The following CCNH variants were observed in gnomAD, a reference collection of about 807,000 sequenced individuals.
CCNH encodes the protein cyclin H.
In CCNH, 31 loss-of-function variants were observed where a neutral mutation model predicts 41.9. The ratio of observed to expected loss-of-function variants is 0.74; its 90% CI spans 0.56 to 1.00. The LOEUF is 1.00. Ranked by LOEUF, CCNH falls within the 50% of genes least tolerant of loss-of-function variation. The pLI is 0.00. For synonymous variants in CCNH, 138 were observed against 136.1 expected, an observed-to-expected ratio of 1.01 and a Z score of -0.10; for missense variants, 362 against 388.4, an observed-to-expected ratio of 0.93 and a Z score of 0.57.
downstream of CCNH, among the ~76,000 whole-genome samples, chr5:87,373,681 A>G (rs1761113266): frequency 6.6e-6 from 1 of 152,200 alleles, no homozygotes; most frequent in Admixed American, 6.5e-5. Flanking sequence ...TTAGGTTTGT[A>G]TCCTTTCCTG....
At chr5:87,398,051 G>A (rs1326485652) in intron 7 of CCNH, among the ~76,000 whole-genome samples, 4 of 152,198 alleles carry the variant, frequency 2.6e-5, no homozygotes, top group East Asian at 1.9e-4. Flanking sequence ...GACATAATCA[G>A]TGCTGCAATA....
intron 9 of CCNH, chr5:87,369,977 A>G: frequency 8.2e-7 from 1 of 1,212,604 alleles, no homozygotes; most frequent in East Asian, 2.4e-5. Flanking sequence ...ATAGAAAATG[A>G]TCGCATTCAA....
At chr5:87,330,351 GA>G (rs1276598264) in intron 9 of CCNH, among the ~76,000 whole-genome samples, 16 of 151,952 alleles carry the variant, frequency 1.1e-4, no homozygotes, top group African/African-American at 2.9e-4. Flanking sequence ...ACACATATAA[GA>G]TTACAAATAA....
intron 9 of CCNH, among the ~76,000 whole-genome samples, chr5:87,321,245 C>G (rs1324503905): frequency 1.3e-5 from 2 of 152,134 alleles, no homozygotes; most frequent in Non-Finnish European, 2.9e-5. Flanking sequence ...ATTGTTTTTC[C>G]TCTGCTCTTA....
intron 2 of CCNH, among the ~76,000 whole-genome samples, chr5:87,410,452 A>C (rs960565357): frequency 7.3e-5 from 11 of 151,516 alleles, no homozygotes; most frequent in Admixed American, 4.6e-4. Flanking sequence ...AACATACTTC[A>C]ATTTTTTTTT....
At chr5:87,317,045 G>T (rs1045377213), downstream of CCNH, among the ~76,000 whole-genome samples, 1 of 152,058 alleles carries the variant, frequency 6.6e-6, no homozygotes, top group African/African-American at 2.4e-5. Context: ...ACTACACCCA[G>T]CTAATTTTTG....
rs1157141616 is a variant in CCNH at position 87,395,938 on chromosome 5, AG to A, written c.873-835del. On this transcript the variant is annotated intron_variant, in intron 7 of 8. Coordinates refer to ENST00000256897, the MANE Select transcript of CCNH (RefSeq NM_001239.4). ...TTGGAAAAAAGTTGTGAAAAACAAT[AG>A]AATATATCATATATAAATAATATAT... Among the ~76,000 whole-genome samples the A allele has an allele frequency of 2.0e-5, 3 of 152,126 alleles. No homozygotes were observed. The South Asian group carries it at 6.2e-4, about 32-fold the overall frequency.
rs148963280 is a variant in CCNH, at chr5:87,350,396, C to G, written c.*91-31499G>C. ...TGTAATTTTTCCCAATTCCAGTTTT[C>G]TGGAGATTTAGAACATACAAAATAA... On this transcript the variant is annotated intron_variant and NMD_transcript_variant, in intron 9 of 9. Transcript: ENST00000645953. Among the ~76,000 whole-genome samples, 686 of 151,904 alleles carry G rather than the reference C, an allele frequency of 4.5e-3. 5 individuals are homozygous for G. Among genetic ancestry groups the G allele is most frequent in the Middle Eastern group, 0.01 (3 of 294 alleles).
upstream of CCNH, among the ~76,000 whole-genome samples, chr5:87,382,106 C>T (rs1030763661): frequency 2.0e-5 from 3 of 152,148 alleles, no homozygotes; most frequent in Admixed American, 6.5e-5. Flanking sequence ...GCATGCACCA[C>T]CATACCTGGC....
At chr5:87,360,203 T>C (rs1361231427) in intron 9 of CCNH, among the ~76,000 whole-genome samples, 1 of 150,088 alleles carries the variant, frequency 6.7e-6, no homozygotes, top group Non-Finnish European at 1.5e-5. Flanking sequence ...CTCAGCTCAC[T>C]GCAACCTCCG....
At chr5:87,393,002 C>G (rs1762629980), downstream of CCNH, 1 of 151,670 alleles carries the variant, frequency 6.6e-6, no homozygotes, top group Non-Finnish European at 1.5e-5. Flanking sequence ...GGATTTATAA[C>G]TTTTGGCTTC....
At chr5:87,325,029 G>A (rs1757125119) in intron 9 of CCNH, among the ~76,000 whole-genome samples, 1 of 152,086 alleles carries the variant, frequency 6.6e-6, no homozygotes, top group African/African-American at 2.4e-5. Flanking sequence ...CCGAGATGGG[G>A]TCACTTATAA....
At chr5:87,374,334 TATC>T (rs1398687130), downstream of CCNH, 7 of 1,594,204 alleles carry the variant, frequency 4.4e-6, no homozygotes, top group Non-Finnish European at 6.0e-6. Flanking sequence ...AGTCTTATTT[TATC>T]ATTACATTAA....
chr5:87,388,937 T>C (rs1009359886), downstream of CCNH, among the ~76,000 whole-genome samples: 1 of 152,156 alleles, frequency 6.6e-6, no homozygotes, highest in Non-Finnish European at 1.5e-5. Flanking sequence ...CCACCCCTTA[T>C]TTTTAGAATA....
At chr5:87,338,536 A>ATATATATATATATATATATATATTTT in intron 9 of CCNH, among the ~76,000 whole-genome samples, 5 of 85,220 alleles carry the variant, frequency 5.9e-5, no homozygotes, top group Non-Finnish European at 9.3e-5. Flanking sequence ...TATATATAAA[A>ATATATATATATATATATATATATTTT]TTTTTTTTTT....
chr5:87,356,695 A>T (rs537502787), intron 9 of CCNH, among the ~76,000 whole-genome samples: 2 of 152,190 alleles, frequency 1.3e-5, no homozygotes, highest in African/African-American at 2.4e-5. Flanking sequence ...GTAATAAAAT[A>T]TTTTTAAATT....
At chr5:87,386,614 CATT>C (rs767595504), downstream of CCNH, among the ~76,000 whole-genome samples, 4 of 151,994 alleles carry the variant, frequency 2.6e-5, no homozygotes, top group Non-Finnish European at 5.9e-5. Context: ...AAAATACTGT[CATT>C]ATATGATTTA....
chr5:87,317,711 C>T (rs1756449290), downstream of CCNH, among the ~76,000 whole-genome samples: 1 of 151,784 alleles, frequency 6.6e-6, no homozygotes, highest in African/African-American at 2.4e-5. Flanking sequence ...TCTCAGCTCA[C>T]TGCAGCCTCG....
At chr5:87,343,565 T>C (rs1359928074) in intron 9 of CCNH, among the ~76,000 whole-genome samples, 1 of 152,174 alleles carries the variant, frequency 6.6e-6, no homozygotes, top group African/African-American at 2.4e-5. Flanking sequence ...AAAGATAGGC[T>C]ATAATGAATG....
Sources: allele counts gnomAD v4.1 joint callset (sites outside exome capture counted in the v4.1 genomes callset), GRCh38; gene constraint gnomAD v4.1.1; transcripts MANE v1.5; gene names NCBI Gene and HGNC (gene_info 2026-07-23, HGNC 2026-07-21).